PDE6A: variants seen among roughly 807,000 people sequenced by gnomAD.
PDE6A encodes the protein rod cGMP-specific 3',5'-cyclic phosphodiesterase subunit alpha.
Under a neutral mutation model 106.3 loss-of-function variants are expected in PDE6A, and 84 were observed. The ratio of observed to expected loss-of-function variants is 0.79; its 90% CI spans 0.66 to 0.95. The LOEUF is 0.95. Ranked by LOEUF, PDE6A falls within the 40% of genes least tolerant of loss-of-function variation. The pLI is 0.00. For synonymous variants in PDE6A, 394 were observed against 386.6 expected, an observed-to-expected ratio of 1.02 and a Z score of -0.23; for missense variants, 1,052 against 1,084.9, an observed-to-expected ratio of 0.97 and a Z score of 0.43.
chr5:149,884,336 A>T (rs1437380997), intron 16 of PDE6A, 143 bp downstream of exon 16: 1 of 631,314 alleles, frequency 1.6e-6, no homozygotes, highest in African/African-American at 1.9e-5. Context: ...GTATATATGT[A>T]TATATATGTG....
chr5:149,885,099 C>T (rs1752239087), intron 14 of PDE6A, among the ~76,000 whole-genome samples: 1 of 152,220 alleles, frequency 6.6e-6, no homozygotes, highest in South Asian at 2.1e-4. Context: ...GGCCATGCTT[C>T]AAGATCATCT....
intron 17 of PDE6A, among the ~76,000 whole-genome samples, chr5:149,871,188 C>A (rs1760535410): frequency 6.6e-6 from 1 of 152,098 alleles, no homozygotes; most frequent in Non-Finnish European, 1.5e-5. Context: ...AAGGTTGCAG[C>A]CCCCATCGTG....
Position 149,890,900 on chromosome 5 carries a change from A to G in PDE6A, c.1728+4283T>C, listed in dbSNP as rs555473881. Among the ~76,000 whole-genome samples, 6 of 152,364 alleles carry G rather than the reference A, an allele frequency of 3.9e-5. No individual in the cohort carries two copies. The East Asian group carries it at 9.6e-4, about 24-fold the overall frequency. ...AGTACTGAAATTGGTGAGATATACA[A>G]TTTTAATGAACTCCAAACATTGATC... is the stretch of plus-strand genomic sequence containing the variant. On this transcript the variant is annotated intron_variant, in intron 13 of 21. Transcript: ENST00000255266.
chr5:149,925,706 C>CA (rs36003503), intron 4 of PDE6A, among the ~76,000 whole-genome samples: 57,592 of 102,000 alleles, frequency 0.56, 16,434 homozygotes, highest in Non-Finnish European at 0.68. Flanking sequence ...GACTCTGTCT[C>CA]AAAAAAAAAA....
Position 149,859,294 on chromosome 5 carries a change from A to G in PDE6A, c.*1601T>C, listed in dbSNP as rs910670789. On this transcript the variant is annotated 3_prime_UTR_variant, in exon 22 of 22. Coordinates refer to ENST00000255266, the MANE Select transcript of PDE6A (RefSeq NM_000440.3). ...CCAACAAAAAGAAACAACTAAATTC[A>G]ATATGTGAATTTGTTTGGATCAGAT... The G allele has an allele frequency of 6.6e-6, 1 of 152,238 alleles. No homozygotes were observed. The highest frequency in any genetic ancestry group is 2.4e-5 in the African/African-American group (1 of 41,460). The allele number at this position is 152,238 out of a possible 1,614,324, so 9.4% of individuals were successfully genotyped here. A position where few individuals can be genotyped will look rare whatever the true frequency, so the allele number is the denominator to read the frequency against.
Position 149,934,638 on chromosome 5 carries a change from C to T in PDE6A, c.555G>A (p.Gly185=), listed in dbSNP as rs747803709. The T allele has an allele frequency of 2.5e-6, 4 of 1,614,118 alleles. No homozygotes were observed. In the South Asian group the frequency reaches 4.4e-5, roughly 18 times the overall value. The change falls in exon 2 of 22, where the codon GGG becomes GGA. Residue 185 remains glycine, a synonymous_variant. Coordinates refer to ENST00000255266, the MANE Select transcript of PDE6A (RefSeq NM_000440.3). ...KNILASPIMN[G]KDVVAIIMAV... ...CCATGATTATGGCCACCACATCCTT[C>T]CCATTCATTATGGGGGAAGCCAAGA... is the stretch of plus-strand genomic sequence containing the variant.
rs1467670353 is a variant in PDE6A, at chr5:149,884,342, ATG to A, written c.2027+135_2027+136del. The A allele has an allele frequency of 2.0e-5, 13 of 638,036 alleles. No individual in the cohort carries two copies. The East Asian group carries it at 2.9e-4, about 14-fold the overall frequency. 39.5% of individuals were successfully genotyped at this position (638,036 alleles called of 1,614,324 possible). A position where few individuals can be genotyped will look rare whatever the true frequency, so the allele number is the denominator to read the frequency against. On this transcript the variant is annotated intron_variant, in intron 16 of 21. Transcript: ENST00000255266. ...TATATATGTGTATATATGTATATAT[ATG>A]TGTGTATATATGTGTATATATGTAT...
At chr5:149,861,764 G>C (rs750269487) in intron 21 of PDE6A, among the ~76,000 whole-genome samples, 1 of 151,926 alleles carries the variant, frequency 6.6e-6, no homozygotes, top group Non-Finnish European at 1.5e-5. Context: ...TGATTCTCTA[G>C]CTATAAGAAA....
intron 13 of PDE6A, among the ~76,000 whole-genome samples, chr5:149,893,191 A>G (rs1243824925): frequency 1.3e-5 from 2 of 152,174 alleles, no homozygotes; most frequent in Non-Finnish European, 2.9e-5. Flanking sequence ...AAATTACACC[A>G]AAGGAAGACT....
intron 17 of PDE6A, among the ~76,000 whole-genome samples, chr5:149,876,010 T>C (rs1760725657): frequency 6.6e-6 from 1 of 152,230 alleles, no homozygotes; most frequent in South Asian, 2.1e-4. Context: ...GTGTGTACAC[T>C]ACATATATGC....
rs774870785 is a variant in PDE6A, at chr5:149,866,219, G to A, written c.2309C>T (p.Pro770Leu). 7 of 1,614,056 alleles carry A rather than the reference G, an allele frequency of 4.3e-6. No homozygotes were observed. In the East Asian group the frequency reaches 1.6e-4, roughly 36 times the overall value. The change falls in exon 20 of 22, where the codon CCT becomes CTT. Residue 770 changes from proline to leucine, a missense_variant. Transcript: ENST00000255266. ...GTCAATGAAGCCGACTTGAAGCTTA[G>A]GGAGTTCATCTGCTTTGTTTCTGTC... Reference protein sequence around the residue: ...MMDRNKADELPKLQVGFIDFV... With the variant: ...MMDRNKADELLKLQVGFIDFV...
chr5:149,921,612 T>C, intron 5 of PDE6A, 23 bp downstream of exon 5: 3 of 1,584,370 alleles, frequency 1.9e-6, no homozygotes, highest in Non-Finnish European at 2.6e-6. Flanking sequence ...TAAATCATAC[T>C]GAAAAGGTCA....
intron 9 of PDE6A, 39 bp downstream of exon 9, chr5:149,899,336 C>G: frequency 6.2e-7 from 1 of 1,612,256 alleles, no homozygotes. Flanking sequence ...CAAGCTGACT[C>G]TGAATCCCAA....
intron 7 of PDE6A, 22 bp downstream of exon 7, chr5:149,907,290 C>G (rs755128703): frequency 2.0e-5 from 31 of 1,573,304 alleles, no homozygotes; most frequent in Admixed American, 3.3e-5. Context: ...AAACTCTCCC[C>G]CTTCAAAGTT....
At chr5:149,900,379 A>G (rs879871161) in intron 8 of PDE6A, among the ~76,000 whole-genome samples, 1,435 of 107,272 alleles carry the variant, frequency 0.013, 64 homozygotes, top group African/African-American at 0.059. Flanking sequence ...ATATATGTAT[A>G]TATATATATA....
chr5:149,913,834 A>C (rs78283112), intron 6 of PDE6A, among the ~76,000 whole-genome samples: 3,206 of 152,324 alleles, frequency 0.021, 114 homozygotes, highest in African/African-American at 0.073. Flanking sequence ...ACTGACCAAA[A>C]AAGTATAAGC....
At chr5:149,942,306 C>T (rs1754347064) in intron 1 of PDE6A, among the ~76,000 whole-genome samples, 1 of 152,030 alleles carries the variant, frequency 6.6e-6, no homozygotes, top group Non-Finnish European at 1.5e-5. Flanking sequence ...GCTATATTGC[C>T]CAGGCTGGAG....
In PDE6A at chr5:149,896,430, G is replaced by A; in HGVS notation, c.1546C>T (p.Leu516=). 2 of 1,614,050 alleles carry A rather than the reference G, an allele frequency of 1.2e-6. No homozygotes were observed. The highest frequency in any genetic ancestry group is 1.7e-6 in the Non-Finnish European group (2 of 1,179,924). ...TGTATTCCACATTTTACCAGCTCCA[G>A]TTCTGTTAGGGGTAAGTCACTGAAG... ...FHFSDLPLTE[L]ELVKCGIQMY... The change falls in exon 12 of 22, where the codon CTG becomes TTG. Residue 516 remains leucine (L), a synonymous_variant. Transcript: ENST00000255266.
chr5:149,884,215 T>TATATAC (rs1554087101), intron 16 of PDE6A, among the ~76,000 whole-genome samples: 5 of 146,456 alleles, frequency 3.4e-5, no homozygotes, highest in East Asian at 2.0e-4. Flanking sequence ...TATATATATA[T>TATATAC]ACACACACAC....
Sources: gnomAD v4.1 joint callset for allele counts (sites outside exome capture counted in the v4.1 genomes callset) on GRCh38, gnomAD v4.1.1 for gene constraint, MANE v1.5 for transcripts, NCBI Gene and HGNC (gene_info 2026-07-23, HGNC 2026-07-21) for gene names.